Variants in SEL1L2 observed in about 807,000 individuals in gnomAD.
The protein encoded by SEL1L2 is SEL1L2 adaptor subunit of SYVN1 ubiquitin ligase, also known as protein sel-1 homolog 2.
In SEL1L2, 89 loss-of-function variants were observed where a neutral mutation model predicts 98.8. The observed-to-expected ratio is 0.90, with a 90% CI of 0.76 to 1.07. SEL1L2 has a LOEUF of 1.07. SEL1L2 is among the 50% of genes least tolerant of loss of function. The pLI is 0.00. For missense variants in SEL1L2, 788 were observed against 812.0 expected (o/e 0.97, Z 0.36); for synonymous variants, 262 against 278.5 (o/e 0.94, Z 0.59).
chr20:13,885,509 T>G (rs1278599298), intron 9 of SEL1L2, 106 bp from the exon 10 acceptor site: 1 of 749,128 alleles, frequency 1.3e-6, no homozygotes, highest in Non-Finnish European at 2.4e-6. Flanking sequence ...TGGACACGTT[T>G]GAAATGTCCT....
At chr20:13,925,356 A>G (rs2048843686) in intron 3 of SEL1L2, among the ~76,000 whole-genome samples, 1 of 152,234 alleles carries the variant, frequency 6.6e-6, no homozygotes, top group African/African-American at 2.4e-5. Context: ...GTTTTCACCC[A>G]AAAAATCAGG....
At chr20:13,961,335 A>C (rs780404417) in intron 1 of SEL1L2, among the ~76,000 whole-genome samples, 1 of 152,226 alleles carries the variant, frequency 6.6e-6, no homozygotes, top group Non-Finnish European at 1.5e-5. Flanking sequence ...ATATCAATTT[A>C]CATAACATGA....
At chr20:13,860,528 C>A (rs1778969845) in intron 17 of SEL1L2, among the ~76,000 whole-genome samples, 1 of 152,186 alleles carries the variant, frequency 6.6e-6, no homozygotes, top group East Asian at 1.9e-4. Flanking sequence ...GATGGCACTG[C>A]CTTCTCTTGG....
intron 3 of SEL1L2, among the ~76,000 whole-genome samples, chr20:13,920,517 A>G (rs1406667568): frequency 6.6e-6 from 1 of 152,120 alleles, no homozygotes; most frequent in Non-Finnish European, 1.5e-5. Flanking sequence ...AGATATAAAG[A>G]TCCTTCCACC....
intron 5 of SEL1L2, among the ~76,000 whole-genome samples, chr20:13,908,243 G>A (rs1041369498): frequency 2.7e-5 from 4 of 148,858 alleles, no homozygotes; most frequent in Admixed American, 2.1e-4. Context: ...TTAGCCTCCC[G>A]AGTAGCTGGA....
chr20:13,884,312 A>G (rs1309568772), intron 10 of SEL1L2, among the ~76,000 whole-genome samples: 1 of 127,676 alleles, frequency 7.8e-6, no homozygotes, highest in African/African-American at 3.0e-5. Context: ...ATCATCTTTA[A>G]AAAAAAAAAT....
intron 1 of SEL1L2, among the ~76,000 whole-genome samples, chr20:13,981,248 T>TA (rs1030395949): frequency 3.3e-5 from 5 of 151,250 alleles, no homozygotes; most frequent in South Asian, 2.1e-4. Context: ...ACAACCCCCC[T>TA]AAAAAAAAGA....
chr20:13,877,797 TC>T (rs1339345914), intron 10 of SEL1L2, among the ~76,000 whole-genome samples: 14 of 152,196 alleles, frequency 9.2e-5, no homozygotes, highest in African/African-American at 3.4e-4. Context: ...TGGGAGAGTG[TC>T]TATATCTCTT....
intron 2 of SEL1L2, among the ~76,000 whole-genome samples, chr20:13,952,538 G>A (rs2148428907): frequency 6.6e-6 from 1 of 152,274 alleles, no homozygotes; most frequent in Non-Finnish European, 1.5e-5. Context: ...CACCTGCTAA[G>A]TTCACTGGGA....
chr20:13,954,664 T>C (rs867839809), intron 2 of SEL1L2, among the ~76,000 whole-genome samples: 2 of 152,138 alleles, frequency 1.3e-5, no homozygotes, highest in African/African-American at 4.8e-5. Context: ...ACTCTGGAGG[T>C]CTCATCTTCT....
upstream of SEL1L2, among the ~76,000 whole-genome samples, chr20:13,992,106 G>A (rs1295059852): frequency 6.6e-6 from 1 of 152,198 alleles, no homozygotes; most frequent in Admixed American, 6.5e-5. Context: ...TAGGGTCAGA[G>A]TCAGGGAAGG....
At chr20:13,956,855 A>G (rs1255627816) in intron 1 of SEL1L2, among the ~76,000 whole-genome samples, 1 of 152,168 alleles carries the variant, frequency 6.6e-6, no homozygotes, top group Non-Finnish European at 1.5e-5. Context: ...CATTACTAAG[A>G]TTGACAAATT....
intron 2 of SEL1L2, among the ~76,000 whole-genome samples, chr20:13,938,078 CTTTTCTTTTTTT>C (rs2049543812): frequency 1.4e-5 from 2 of 143,400 alleles, no homozygotes; most frequent in Non-Finnish European, 3.1e-5. Flanking sequence ...TTTCTTTTTT[CTTTTCTTTTTTT>C]TTTTTTTTGA....
intron 18 of SEL1L2, 77 bp downstream of exon 18, chr20:13,859,185 A>G: frequency 1.4e-6 from 2 of 1,382,536 alleles, no homozygotes; most frequent in Non-Finnish European, 2.0e-6. Context: ...GACATCAATG[A>G]AATTCAAAAC....
chr20:13,979,194 G>A (rs1249978930), intron 1 of SEL1L2, among the ~76,000 whole-genome samples: 3 of 152,214 alleles, frequency 2.0e-5, no homozygotes, highest in African/African-American at 7.2e-5. Flanking sequence ...ATATGTGGAA[G>A]CTGAAAGAAT....
chr20:13,908,242 C>T (rs951871463), intron 5 of SEL1L2, among the ~76,000 whole-genome samples: 1 of 150,172 alleles, frequency 6.7e-6, no homozygotes. Flanking sequence ...CTTAGCCTCC[C>T]GAGTAGCTGG....
intron 12 of SEL1L2, among the ~76,000 whole-genome samples, chr20:13,875,021 G>A (rs1481642827): frequency 1.3e-5 from 2 of 152,086 alleles, no homozygotes; most frequent in Admixed American, 6.5e-5. Flanking sequence ...CCAGCCTCAC[G>A]GACCCCAGGA....
intron 4 of SEL1L2, among the ~76,000 whole-genome samples, chr20:13,914,584 A>AGTT (rs1310602663): frequency 6.6e-6 from 1 of 152,208 alleles, no homozygotes; most frequent in African/African-American, 2.4e-5. Flanking sequence ...ACTTCAGCCA[A>AGTT]GTTATATAAC....
At chr20:13,936,585 A>C (rs1034391841) in intron 2 of SEL1L2, among the ~76,000 whole-genome samples, 1 of 152,090 alleles carries the variant, frequency 6.6e-6, no homozygotes, top group Non-Finnish European at 1.5e-5. Flanking sequence ...ACTGTTTTCC[A>C]CACCCAGATG....
Sources: gnomAD v4.1 joint callset for allele counts (sites outside exome capture counted in the v4.1 genomes callset) on GRCh38, gnomAD v4.1.1 for gene constraint, MANE v1.5 for transcripts, NCBI Gene and HGNC (gene_info 2026-07-23, HGNC 2026-07-21) for gene names.